The following RNF11 variants were observed in gnomAD, a reference collection of about 807,000 sequenced individuals.
RNF11 encodes the protein ring finger protein 11.
In RNF11, 4 loss-of-function variants were observed where a neutral mutation model predicts 15.8. The observed-to-expected ratio is 0.25, with a 90% CI of 0.12 to 0.58. The LOEUF is 0.58. RNF11 is among the 20% of genes least tolerant of loss of function. The pLI, the probability that RNF11 is intolerant of heterozygous loss-of-function variation, is 0.91. For synonymous variants in RNF11, 68 were observed against 72.3 expected (o/e 0.94, Z 0.30); for missense variants, 139 against 194.4 (o/e 0.71, Z 1.70).
intron 1 of RNF11, among the ~76,000 whole-genome samples, chr1:51,252,368 C>T (rs1646883848): frequency 6.6e-6 from 1 of 151,996 alleles, no homozygotes; most frequent in South Asian, 2.1e-4. Flanking sequence ...TCTTGGGAAG[C>T]CAAGACAGAA....
chr1:51,257,847 TC>T (rs1333730375), intron 1 of RNF11, among the ~76,000 whole-genome samples: 8 of 138,924 alleles, frequency 5.8e-5, no homozygotes, highest in East Asian at 2.0e-4. Flanking sequence ...TCTTTTCTTT[TC>T]TTTTCTTTTT....
Position 51,271,172 on chromosome 1 carries a change from C to A in RNF11, c.315C>A (p.Asp105Glu), listed in dbSNP as rs1055209749. 1 of 1,613,904 alleles carries A rather than the reference C, an allele frequency of 6.2e-7. No homozygotes were observed. Among genetic ancestry groups the A allele is most frequent in the African/African-American group, 1.3e-5 (1 of 74,898 alleles). Residue 105 changes from aspartate (D) to glutamate (E), a missense_variant, in exon 3 of 3, where the codon GAC becomes GAA. Coordinates refer to ENST00000242719, the MANE Select transcript of RNF11 (RefSeq NM_014372.5). ...ACAGGTGTGTGATCTGTATGATGGACTTTGTTTATGGGGACCCAATTCGAT... is the reference window on the plus strand; with the variant it reads ...ACAGGTGTGTGATCTGTATGATGGAATTTGTTTATGGGGACCCAATTCGAT... ...KIRECVICMM[D>E]FVYGDPIRFL...
intron 2 of RNF11, among the ~76,000 whole-genome samples, chr1:51,270,388 G>T (rs1425674582): frequency 6.6e-6 from 1 of 152,088 alleles, no homozygotes; most frequent in Non-Finnish European, 1.5e-5. Flanking sequence ...TGAGGTCGGG[G>T]GATCACTTGA....
chr1:51,266,891 T>TA (rs1646957172), intron 1 of RNF11, among the ~76,000 whole-genome samples: 1 of 152,248 alleles, frequency 6.6e-6, no homozygotes, highest in African/African-American at 2.4e-5. Context: ...GTGTGCCAGA[T>TA]ACCGTGCTGA....
intron 1 of RNF11, among the ~76,000 whole-genome samples, chr1:51,253,289 C>T (rs1442751630): frequency 6.6e-6 from 1 of 151,900 alleles, no homozygotes; most frequent in Non-Finnish European, 1.5e-5. Context: ...CTTTGGGATG[C>T]CAAGGTGAGA....
In RNF11 at chr1:51,237,609, C is replaced by T. The variant is rs150996723; in HGVS notation, c.123+730C>T. Among the ~76,000 whole-genome samples the T allele has an allele frequency of 5.5e-3, 842 of 152,036 alleles. 8 individuals carry two copies. The highest frequency in any genetic ancestry group is 0.019 in the African/African-American group (779 of 41,426). On this transcript the variant is annotated intron_variant, in intron 1 of 2. Coordinates refer to ENST00000242719, the MANE Select transcript of RNF11 (RefSeq NM_014372.5). ...ATTCCTTCGGTTACTCGTGTTCTCC[C>T]TTTGTATCAAAGACTCTCCTAAATA...
intron 1 of RNF11, among the ~76,000 whole-genome samples, chr1:51,252,168 ATAT>A (rs1278341466): frequency 6.6e-6 from 1 of 152,020 alleles, no homozygotes; most frequent in Non-Finnish European, 1.5e-5. Flanking sequence ...GATTTTCCTA[ATAT>A]TCTTTTCTCT....
intron 1 of RNF11, among the ~76,000 whole-genome samples, chr1:51,262,715 C>CTTTTTTTTTTTTTT (rs35542254): frequency 1.3e-3 from 111 of 84,068 alleles, no homozygotes; most frequent in African/African-American, 1.8e-3. Flanking sequence ...GCCTGCTAAT[C>CTTTTTTTTTTTTTT]TTTTTTTTTT....
intron 1 of RNF11, among the ~76,000 whole-genome samples, chr1:51,248,096 CT>C (rs1157196813): frequency 0.065 from 5,931 of 91,776 alleles, 67 homozygotes; most frequent in Middle Eastern, 0.1. Context: ...CTAGTTTCTT[CT>C]TTTTTTTTTT....
chr1:51,240,688 A>G (rs1646825419), intron 1 of RNF11, among the ~76,000 whole-genome samples: 1 of 152,198 alleles, frequency 6.6e-6, no homozygotes, highest in Admixed American at 6.6e-5. Flanking sequence ...TGCACTGCTT[A>G]CAAGAACTCT....
chr1:51,264,311 TATATATACAC>T (rs1383339462), intron 1 of RNF11, among the ~76,000 whole-genome samples: 2 of 101,932 alleles, frequency 2.0e-5, no homozygotes, highest in African/African-American at 8.6e-5. Flanking sequence ...TATATATATA[TATATATACAC>T]ACACACACAC....
At chr1:51,248,448 C>T (rs1171313687) in intron 1 of RNF11, among the ~76,000 whole-genome samples, 3 of 151,958 alleles carry the variant, frequency 2.0e-5, no homozygotes, top group African/African-American at 2.4e-5. Flanking sequence ...GTGATCCGCT[C>T]GCCTCGGCCT....
At chr1:51,269,531 A>C (rs2148075328) in intron 1 of RNF11, among the ~76,000 whole-genome samples, 1 of 152,364 alleles carries the variant, frequency 6.6e-6, no homozygotes. Flanking sequence ...CAGTATTGTC[A>C]ATTAGTGACT....
intron 1 of RNF11, among the ~76,000 whole-genome samples, chr1:51,252,093 A>G (rs939548342): frequency 6.6e-6 from 1 of 151,464 alleles, no homozygotes; most frequent in African/African-American, 2.4e-5. Flanking sequence ...AAAAAAAAAA[A>G]AAAAAAAAAG....
At chr1:51,260,623 A>G (rs994072957) in intron 1 of RNF11, among the ~76,000 whole-genome samples, 4 of 152,188 alleles carry the variant, frequency 2.6e-5, no homozygotes, top group African/African-American at 7.2e-5. Flanking sequence ...ATGTAGGACA[A>G]TTGTGTTAGT....
At chr1:51,245,842 CAT>C (rs1646849301) in intron 1 of RNF11, among the ~76,000 whole-genome samples, 1 of 152,184 alleles carries the variant, frequency 6.6e-6, no homozygotes, top group South Asian at 2.1e-4. Context: ...ACATAAAAGA[CAT>C]ATTTGCAAAC....
intron 1 of RNF11, among the ~76,000 whole-genome samples, chr1:51,267,695 C>A (rs938786789): frequency 6.6e-6 from 1 of 152,172 alleles, no homozygotes; most frequent in African/African-American, 2.4e-5. Flanking sequence ...ATATAGTGTT[C>A]GCAGATAGGG....
At chr1:51,238,887 A>C (rs1490562005) in intron 1 of RNF11, among the ~76,000 whole-genome samples, 2 of 151,690 alleles carry the variant, frequency 1.3e-5, no homozygotes, top group Non-Finnish European at 2.9e-5. Context: ...GTGCCACCAC[A>C]CCTAGCTAAT....
intron 1 of RNF11, among the ~76,000 whole-genome samples, chr1:51,246,617 T>G (rs979266232): frequency 2.0e-5 from 3 of 151,806 alleles, no homozygotes; most frequent in Non-Finnish European, 2.9e-5. Flanking sequence ...AGCGCTTTGG[T>G]AGGCTGAGGC....
Sources: allele counts gnomAD v4.1 joint callset (sites outside exome capture counted in the v4.1 genomes callset), GRCh38; gene constraint gnomAD v4.1.1; transcripts MANE v1.5; gene names NCBI Gene and HGNC (gene_info 2026-07-23, HGNC 2026-07-21).